Variants in PDIK1L observed in about 807,000 individuals in gnomAD.
The protein encoded by PDIK1L is serine/threonine-protein kinase PDIK1L.
PDIK1L carries 9 observed loss-of-function variants against 27.1 expected under a neutral mutation model. The observed-to-expected ratio is 0.33, with a 90% CI of 0.20 to 0.58. The LOEUF (loss-of-function observed/expected upper bound fraction) is 0.58, where lower values mean the gene tolerates loss of function less well. Ranked by LOEUF, PDIK1L falls within the 20% of genes least tolerant of loss-of-function variation. The pLI is 0.86. For missense variants in PDIK1L, 216 were observed against 413.2 expected (o/e 0.52, Z 4.14); for synonymous variants, 130 against 141.7 (o/e 0.92, Z 0.59).
At chr1:26,115,851 T>C (rs1484236685) in intron 2 of PDIK1L, among the ~76,000 whole-genome samples, 1 of 151,738 alleles carries the variant, frequency 6.6e-6, no homozygotes, top group Non-Finnish European at 1.5e-5. Flanking sequence ...GAAAACAACT[T>C]TCTTTGAGTG....
In PDIK1L at chr1:26,114,183, T is replaced by G; in HGVS notation, c.-17-109T>G. The G allele has an allele frequency of 8.9e-7, 1 of 1,120,822 alleles. No individual in the cohort carries two copies. Among genetic ancestry groups the G allele is most frequent in the Non-Finnish European group, 1.2e-6 (1 of 800,286 alleles). The allele number at this position is 1,120,822 out of a possible 1,614,324, so 69.4% of individuals were successfully genotyped here. A position where few individuals can be genotyped will look rare whatever the true frequency, so the allele number is the denominator to read the frequency against. On this transcript the variant is annotated intron_variant, in intron 1 of 2. Transcript: ENST00000374269. The surrounding 1 kb of genome is among the most constrained non-coding windows in gnomAD (Gnocchi z 4.8). ...TTTCCCCTAGGTATAGCAAATATCC[T>G]TCAAGCACTGCAGACAGTCAGACAG...
intron 2 of PDIK1L, among the ~76,000 whole-genome samples, chr1:26,119,240 A>G (rs1189398664): frequency 6.6e-6 from 1 of 151,892 alleles, no homozygotes; most frequent in Non-Finnish European, 1.5e-5. Context: ...AAACCCTATC[A>G]ATACAAAAAG....
chr1:26,111,184 CGCG>C (rs2087785659), upstream of PDIK1L: 1 of 157,402 alleles, frequency 6.4e-6, no homozygotes, highest in South Asian at 1.7e-4. This position sits in a 1 kb window ranked among gnomAD's most constrained non-coding sequence, Gnocchi z 4.0. Flanking sequence ...CACCCAGCCC[CGCG>C]CCGCCGCCGC....
chr1:26,119,118 G>A (rs183617054), intron 2 of PDIK1L, among the ~76,000 whole-genome samples: 4 of 152,344 alleles, frequency 2.6e-5, no homozygotes, highest in African/African-American at 9.6e-5. Context: ...CAAAAGTTAC[G>A]AATCGTTGGC....
At chr1:26,121,457 A>T (rs1054313784) in intron 2 of PDIK1L, among the ~76,000 whole-genome samples, 1 of 152,204 alleles carries the variant, frequency 6.6e-6, no homozygotes, top group Non-Finnish European at 1.5e-5. Context: ...ATTGAGGTTT[A>T]TACCCCAGCT....
At chr1:26,112,141 G>A (rs1202464747) in intron 1 of PDIK1L, among the ~76,000 whole-genome samples, 1 of 152,218 alleles carries the variant, frequency 6.6e-6, no homozygotes, top group Non-Finnish European at 1.5e-5. Context: ...CAACTGCAGG[G>A]CTGGCTCCTC....
rs2087998374 is a variant in PDIK1L, at chr1:26,122,077, A to G, written c.526A>G (p.Arg176Gly). The change falls in exon 3 of 3, where the codon AGG becomes GGG. Residue 176 changes from arginine (R) to glycine (G), a missense_variant. Physicochemically the swap from Arg to Gly is moderately radical, Grantham distance 125 (BLOSUM62 -2). Around this residue, in one of 2 missense-constraint regions of PDIK1L, gnomAD observed 169 missense variants for 366.0 expected, o/e 0.46. Coordinates refer to ENST00000374269, the MANE Select transcript of PDIK1L (RefSeq NM_152835.5). The surrounding 1 kb of genome is among the most constrained non-coding windows in gnomAD (Gnocchi z 5.4). Reference sequence around the variant, plus strand: ...TGATAACATCCTGATTTCTCAAACCAGGTTGGATACCAGTGACTTGGAACC... The same window carrying G: ...TGATAACATCCTGATTTCTCAAACCGGGTTGGATACCAGTGACTTGGAACC... ...KPDNILISQT[R>G]LDTSDLEPTL... is the part of the protein sequence containing the mutation. The G allele has an allele frequency of 1.2e-6, 2 of 1,614,012 alleles. No homozygotes were observed. Among genetic ancestry groups the G allele is most frequent in the Non-Finnish European group, 8.5e-7 (1 of 1,180,010 alleles).
intron 2 of PDIK1L, among the ~76,000 whole-genome samples, chr1:26,119,617 C>T (rs1211782679): frequency 1.3e-5 from 2 of 152,164 alleles, no homozygotes; most frequent in African/African-American, 4.8e-5. Context: ...AATCCCAGCA[C>T]TTTGGGAGGC....
Position 26,114,642 on chromosome 1 carries a change from C to T in PDIK1L, c.285+49C>T. The T allele has an allele frequency of 6.3e-7, 1 of 1,578,678 alleles. No homozygotes were observed. The highest frequency in any genetic ancestry group is 1.1e-5 in the South Asian group (1 of 87,998). On this transcript the variant is annotated intron_variant, in intron 2 of 2. Coordinates refer to ENST00000374269, the MANE Select transcript of PDIK1L (RefSeq NM_152835.5). This position sits in a 1 kb window ranked among gnomAD's most constrained non-coding sequence, Gnocchi z 4.8. ...AGAAATGATTTGAACATGGCATTGG[C>T]CAGCAAGAAGAGGAATGAAAGGGTC...
chr1:26,117,693 A>G (rs2087903319), intron 2 of PDIK1L, among the ~76,000 whole-genome samples: 1 of 152,122 alleles, frequency 6.6e-6, no homozygotes, highest in Non-Finnish European at 1.5e-5. Context: ...CAGTGAGCCA[A>G]GATCATGTCA....
intron 2 of PDIK1L, among the ~76,000 whole-genome samples, chr1:26,119,425 C>G (rs980954128): frequency 6.7e-6 from 1 of 150,322 alleles, no homozygotes; most frequent in Non-Finnish European, 1.5e-5. Flanking sequence ...CTCTCTCTCT[C>G]ACACACACAC....
chr1:26,122,180 T>C lies in PDIK1L; in HGVS notation c.629T>C (p.Val210Ala). Residue 210 changes from valine (V) to alanine (A), a missense_variant, in exon 3 of 3, where the codon GTA becomes GCA. Transcript: ENST00000374269. The surrounding 1 kb of genome is among the most constrained non-coding windows in gnomAD (Gnocchi z 5.4). ...CAGAACCCAGAAGAACCTGTCAGTGTAAACAAGTGTTTCCTTTCCACAGCA... is the reference window on the plus strand; with the variant it reads ...CAGAACCCAGAAGAACCTGTCAGTGCAAACAAGTGTTTCCTTTCCACAGCA... ...SGQNPEEPVS[V>A]NKCFLSTACG... The C allele has an allele frequency of 6.2e-7, 1 of 1,614,258 alleles. No homozygotes were observed. The highest frequency in any genetic ancestry group is 8.5e-7 in the Non-Finnish European group (1 of 1,180,040).
At chr1:26,111,605 G>C, upstream of PDIK1L, among the ~76,000 whole-genome samples, 1 of 151,472 alleles carries the variant, frequency 6.6e-6, no homozygotes, top group Non-Finnish European at 1.5e-5. The surrounding 1 kb of genome is among the most constrained non-coding windows in gnomAD (Gnocchi z 4.0). Context: ...CACCCCTGCG[G>C]GGAGCAGCAC....
At chr1:26,115,654 T>C (rs904286064) in intron 2 of PDIK1L, among the ~76,000 whole-genome samples, 9 of 151,862 alleles carry the variant, frequency 5.9e-5, no homozygotes, top group African/African-American at 2.2e-4. Context: ...ACAAAAAAAT[T>C]AGCTGGGCGT....
rs113573441 is a variant in PDIK1L at position 26,114,243 on chromosome 1, G to C, written c.-17-49G>C. The C allele has an allele frequency of 6.7e-7, 1 of 1,491,814 alleles. No homozygotes were observed. The allele number at this position is 1,491,814 out of a possible 1,614,324, so 92.4% of individuals were successfully genotyped here. A position where few individuals can be genotyped will look rare whatever the true frequency, so the allele number is the denominator to read the frequency against. ...AAATCATACATAAGAAGAAATACAAGCCAGTAGGTATACATAATTTCAACA... is the reference window on the plus strand; with the variant it reads ...AAATCATACATAAGAAGAAATACAACCCAGTAGGTATACATAATTTCAACA... On this transcript the variant is annotated intron_variant, in intron 1 of 2. Coordinates refer to ENST00000374269, the MANE Select transcript of PDIK1L (RefSeq NM_152835.5). This position sits in a 1 kb window ranked among gnomAD's most constrained non-coding sequence, Gnocchi z 4.8.
Position 26,122,469 on chromosome 1 carries a change from A to C in PDIK1L, c.918A>C (p.Gln306His). Residue 306 changes from glutamine (Q) to histidine (H), a missense_variant, in exon 3 of 3, where the codon CAA (glutamine) becomes CAC (histidine). Physicochemically the swap from Gln to His is conservative, Grantham distance 24. Around this residue, in one of 2 missense-constraint regions of PDIK1L, gnomAD observed 169 missense variants for 366.0 expected, o/e 0.46. Transcript: ENST00000374269. The surrounding 1 kb of genome is among the most constrained non-coding windows in gnomAD (Gnocchi z 5.4). Reference protein sequence around the residue: ...KKKSMNGRMKQLIKEMLAANP... With the variant: ...KKKSMNGRMKHLIKEMLAANP... ...AATCTATGAATGGGCGAATGAAACA[A>C]CTGATTAAGGAAATGCTGGCTGCAA... 1 of 1,614,150 alleles carries C rather than the reference A, an allele frequency of 6.2e-7. No individual in the cohort carries two copies.
chr1:26,122,714 T>C lies in PDIK1L; in HGVS notation c.*137T>C, dbSNP rs1201869012. The C allele has an allele frequency of 1.0e-5, 11 of 1,088,498 alleles. No homozygotes were observed. Among genetic ancestry groups the C allele is most frequent in the East Asian group, 5.5e-5 (2 of 36,316 alleles). 67.4% of individuals were successfully genotyped at this position (1,088,498 alleles called of 1,614,324 possible). A position where few individuals can be genotyped will look rare whatever the true frequency, so the allele number is the denominator to read the frequency against. On this transcript the variant is annotated 3_prime_UTR_variant, in exon 3 of 3. Coordinates refer to ENST00000374269, the MANE Select transcript of PDIK1L (RefSeq NM_152835.5). The surrounding 1 kb of genome is among the most constrained non-coding windows in gnomAD (Gnocchi z 5.4). ...TAGATTTTTTGTGGGATTTTTTTTT[T>C]CCTCATTTTTCTTAAATCCAAGTTG...
At chr1:26,116,796 A>C (rs962495750) in intron 2 of PDIK1L, among the ~76,000 whole-genome samples, 1 of 151,852 alleles carries the variant, frequency 6.6e-6, no homozygotes, top group African/African-American at 2.4e-5. Context: ...GCTTACTGCC[A>C]CCTCCGCCTC....
chr1:26,113,006 C>G (rs770479146), intron 1 of PDIK1L, among the ~76,000 whole-genome samples: 3 of 152,242 alleles, frequency 2.0e-5, no homozygotes. Flanking sequence ...CCCAAGAACT[C>G]TGTCAGAGAG....
Sources: gnomAD v4.1 joint callset for allele counts (sites outside exome capture counted in the v4.1 genomes callset) on GRCh38, gnomAD v4.1.1 for gene constraint, gnomAD v4.1.1 regional missense constraint, Gnocchi (gnomAD v3.1) non-coding constraint, MANE v1.5 for transcripts, NCBI Gene and HGNC (gene_info 2026-07-23, HGNC 2026-07-21) for gene names.